METTL25: variants seen among roughly 807,000 people sequenced by gnomAD.
METTL25 encodes the protein probable methyltransferase-like protein 25.
METTL25 carries 64 observed loss-of-function variants against 71.6 expected under a neutral mutation model. The ratio of observed to expected loss-of-function variants is 0.89; its 90% confidence interval spans 0.73 to 1.10. The LOEUF (loss-of-function observed/expected upper bound fraction) is 1.10, where lower values mean the gene tolerates loss of function less well. Ranked by LOEUF, METTL25 falls within the 50% of genes least tolerant of loss-of-function variation. METTL25 has a pLI of 0.00. For synonymous variants in METTL25, 287 were observed against 250.3 expected (o/e 1.15, Z -1.38); for missense variants, 807 against 707.0 (o/e 1.14, Z -1.60).
intron 5 of METTL25, among the ~76,000 whole-genome samples, chr12:82,406,621 G>A (rs1297536681): frequency 6.6e-6 from 1 of 152,086 alleles, no homozygotes; most frequent in African/African-American, 2.4e-5. Flanking sequence ...AAAATTTAGT[G>A]AACTGTTGAG....
chr12:82,429,257 A>T (rs1889289328), intron 5 of METTL25, among the ~76,000 whole-genome samples: 1 of 151,660 alleles, frequency 6.6e-6, no homozygotes, highest in Admixed American at 6.6e-5. Flanking sequence ...TATCTCCATG[A>T]GATAATATTT....
chr12:82,450,645 G>T (rs1891072991), intron 8 of METTL25, among the ~76,000 whole-genome samples: 1 of 152,062 alleles, frequency 6.6e-6, no homozygotes, highest in African/African-American at 2.4e-5. Context: ...CCTGTGATCT[G>T]CAAAGCCTTA....
chr12:82,405,111 G>C (rs1290753504), intron 5 of METTL25, among the ~76,000 whole-genome samples: 1 of 152,090 alleles, frequency 6.6e-6, no homozygotes, highest in Non-Finnish European at 1.5e-5. Context: ...TCTTAAGACT[G>C]CCATCTCTGG....
chr12:82,395,837 T>A (rs192146246), intron 3 of METTL25, among the ~76,000 whole-genome samples: 2 of 152,026 alleles, frequency 1.3e-5, no homozygotes, highest in African/African-American at 2.4e-5. Flanking sequence ...TGGTGGGGAT[T>A]TTCCTATTCT....
chr12:82,432,250 A>G (rs1426427240), intron 6 of METTL25, among the ~76,000 whole-genome samples: 1 of 151,728 alleles, frequency 6.6e-6, no homozygotes, highest in Non-Finnish European at 1.5e-5. Context: ...GAATTATCTT[A>G]GAAATGTATT....
At chr12:82,438,928 G>C (rs190342032) in intron 8 of METTL25, 137 bp downstream of exon 8, 2 of 604,440 alleles carry the variant, frequency 3.3e-6, no homozygotes, top group African/African-American at 3.8e-5. Context: ...TCAATAACAA[G>C]TACACAACAA....
intron 9 of METTL25, among the ~76,000 whole-genome samples, chr12:82,467,876 T>C (rs1206461779): frequency 6.6e-6 from 1 of 152,136 alleles, no homozygotes; most frequent in Non-Finnish European, 1.5e-5. Context: ...AAGTATGTTT[T>C]CTATACCCTT....
Position 82,477,264 on chromosome 12 carries a change from T to A in METTL25, c.1648-17T>A, listed in dbSNP as rs1194044333. ...TTTAAGTACCACCAACCTACCTATC[T>A]AATTTTTTTATTTTAGTTGAAAGTT... On this transcript the variant is annotated splice_polypyrimidine_tract_variant and intron_variant, in intron 10 of 11. Transcript: ENST00000248306. 1.5e-6 allele frequency: 2 copies of A among 1,360,470 alleles called. No homozygotes were observed. The highest frequency in any genetic ancestry group is 2.0e-6 in the Non-Finnish European group (2 of 987,648). 84.3% of individuals were successfully genotyped at this position (1,360,470 alleles called of 1,614,324 possible).
chr12:82,387,007 A>C, intron 2 of METTL25, 40 bp downstream of exon 2: 1 of 1,501,270 alleles, frequency 6.7e-7, no homozygotes, highest in Non-Finnish European at 9.1e-7. Flanking sequence ...CTTTTTAGGT[A>C]CTTAGAAGCA....
At position 82,386,787 on chromosome 12, in the gene METTL25, G is replaced by C; in HGVS notation, c.260-16G>C. 1 of 1,607,554 alleles carries C rather than the reference G, an allele frequency of 6.2e-7. No homozygotes were observed. Among genetic ancestry groups the C allele is most frequent in the South Asian group, 1.1e-5 (1 of 90,684 alleles). On this transcript the variant is annotated splice_polypyrimidine_tract_variant and intron_variant, in intron 1 of 11. Coordinates refer to ENST00000248306, the MANE Select transcript of METTL25 (RefSeq NM_032230.3). Reference sequence around the variant, plus strand: ...TTAATTATTGCTGAAGACTTTTTCTGTCTTCACTTTTTTAGGTATGACTGA... The same window carrying C: ...TTAATTATTGCTGAAGACTTTTTCTCTCTTCACTTTTTTAGGTATGACTGA...
chr12:82,451,056 C>T (rs1891114230), intron 8 of METTL25, among the ~76,000 whole-genome samples: 1 of 151,960 alleles, frequency 6.6e-6, no homozygotes, highest in Admixed American at 6.6e-5. Context: ...CTTTCGTTCA[C>T]CAAGTAATAG....
At chr12:82,413,705 A>C (rs1003042033) in intron 5 of METTL25, among the ~76,000 whole-genome samples, 15 of 152,028 alleles carry the variant, frequency 9.9e-5, no homozygotes, top group Non-Finnish European at 2.1e-4. Context: ...GCTTTCTGAA[A>C]CATGCGTATT....
chr12:82,431,915 A>G (rs1049640680), intron 6 of METTL25, among the ~76,000 whole-genome samples: 3 of 151,796 alleles, frequency 2.0e-5, no homozygotes, highest in Non-Finnish European at 4.4e-5. Context: ...ATCTCATGCA[A>G]TTTATTGAAA....
chr12:82,397,101 T>C (rs1886148518), intron 3 of METTL25, among the ~76,000 whole-genome samples: 1 of 152,156 alleles, frequency 6.6e-6, no homozygotes, highest in African/African-American at 2.4e-5. Flanking sequence ...TTTTCATTTC[T>C]CTTAGATAAA....
chr12:82,427,407 G>C (rs1592707111), intron 5 of METTL25, among the ~76,000 whole-genome samples: 1 of 151,854 alleles, frequency 6.6e-6, no homozygotes, highest in Non-Finnish European at 1.5e-5. Flanking sequence ...TCTTGTATTA[G>C]ATTTTTCCTT....
chr12:82,371,837 G>A (rs539007687), intron 1 of METTL25, among the ~76,000 whole-genome samples: 1 of 152,192 alleles, frequency 6.6e-6, no homozygotes, highest in South Asian at 2.1e-4. Flanking sequence ...CCTCAGTTAT[G>A]GTGGACATCA....
chr12:82,363,709 C>A, intron 1 of METTL25, among the ~76,000 whole-genome samples: 1 of 134,454 alleles, frequency 7.4e-6, no homozygotes. Flanking sequence ...TTCCATTTTT[C>A]AACTAAAAAA....
intron 4 of METTL25, among the ~76,000 whole-genome samples, chr12:82,402,453 G>A (rs778257188): frequency 1.1e-4 from 16 of 151,934 alleles, no homozygotes; most frequent in Non-Finnish European, 2.1e-4. Context: ...GCTTTGTCTA[G>A]TTGTTAAGCA....
At chr12:82,403,822 C>A (rs140401639) in intron 5 of METTL25, among the ~76,000 whole-genome samples, 1 of 152,084 alleles carries the variant, frequency 6.6e-6, no homozygotes, top group Admixed American at 6.6e-5. Context: ...ACTGCTGGTT[C>A]AGATTAGATG....
Sources: allele counts gnomAD v4.1 joint callset (sites outside exome capture counted in the v4.1 genomes callset), GRCh38; gene constraint gnomAD v4.1.1; transcripts MANE v1.5; gene names NCBI Gene and HGNC (gene_info 2026-07-23, HGNC 2026-07-21).